The following ARHGEF10L variants were observed in gnomAD, a reference collection of about 807,000 sequenced individuals.
ARHGEF10L encodes rho guanine nucleotide exchange factor 10-like protein.
A neutral mutation model predicts 141.2 loss-of-function variants in ARHGEF10L; 69 were observed. The ratio of observed to expected loss-of-function variants is 0.49; its 90% CI spans 0.40 to 0.60. The LOEUF (loss-of-function observed/expected upper bound fraction) is 0.60, where lower values mean the gene tolerates loss of function less well. ARHGEF10L is among the 20% of genes least tolerant of loss of function. The pLI, the probability that ARHGEF10L is intolerant of heterozygous loss-of-function variation, is 0.00. For missense variants in ARHGEF10L, 1,482 were observed against 1,734.3 expected, an observed-to-expected ratio of 0.85 and a Z score of 2.58; for synonymous variants, 711 against 718.5, an observed-to-expected ratio of 0.99 and a Z score of 0.17.
At chr1:17,578,746 A>G (rs1446805299) in intron 1 of ARHGEF10L, among the ~76,000 whole-genome samples, 1 of 152,198 alleles carries the variant, frequency 6.6e-6, no homozygotes. Flanking sequence ...ACCTCAAAAC[A>G]AAACCAAACC....
At chr1:17,592,830 C>A (rs191474030) in intron 4 of ARHGEF10L, among the ~76,000 whole-genome samples, 2 of 152,108 alleles carry the variant, frequency 1.3e-5, no homozygotes, top group Non-Finnish European at 2.9e-5. Context: ...AGGGTCCATG[C>A]GGGACGTGAG....
At chr1:17,662,925 C>A (rs1357992650) in intron 25 of ARHGEF10L, among the ~76,000 whole-genome samples, 2 of 152,138 alleles carry the variant, frequency 1.3e-5, no homozygotes, top group South Asian at 2.1e-4. Flanking sequence ...AAGCTCACAG[C>A]TAGCTGTGTC....
At chr1:17,676,732 A>G (rs936595311) in intron 26 of ARHGEF10L, among the ~76,000 whole-genome samples, 1 of 151,944 alleles carries the variant, frequency 6.6e-6, no homozygotes, top group Non-Finnish European at 1.5e-5. Flanking sequence ...CTTGGTCGAT[A>G]TCCCCTGGGT....
At chr1:17,580,664 T>C in intron 2 of ARHGEF10L, 32 bp downstream of exon 2, 1 of 1,614,042 alleles carries the variant, frequency 6.2e-7, no homozygotes, top group South Asian at 1.1e-5. Context: ...GTCCCTCTCA[T>C]CCTTTCTTAG....
chr1:17,551,987 G>A (rs2077128708), intron 1 of ARHGEF10L, among the ~76,000 whole-genome samples: 1 of 152,184 alleles, frequency 6.6e-6, no homozygotes, highest in African/African-American at 2.4e-5. Context: ...GTGCTTCTGG[G>A]CAGGAGGAGC....
chr1:17,627,637 A>T lies in ARHGEF10L; in HGVS notation c.1584+134A>T. 1 of 1,111,986 alleles carries T rather than the reference A, an allele frequency of 9.0e-7. No homozygotes were observed. The highest frequency in any genetic ancestry group is 2.6e-5 in the East Asian group (1 of 38,446). 68.9% of individuals were successfully genotyped at this position (1,111,986 alleles called of 1,614,324 possible). ...GAGGGGAGGCCTTGCTCTTCCAAGG[A>T]TGTGACCTTGGGGATTGGATCCTCA... On this transcript the variant is annotated intron_variant, in intron 15 of 28. Transcript: ENST00000361221. This position sits in a 1 kb window ranked among gnomAD's most constrained non-coding sequence, Gnocchi z 4.0.
the ARHGEF10L span, among the ~76,000 whole-genome samples, chr1:17,528,297 A>G: frequency 6.6e-6 from 1 of 151,796 alleles, no homozygotes; most frequent in South Asian, 2.1e-4. Flanking sequence ...ATCACAGCTC[A>G]CTGAACTCCT....
chr1:17,645,114 CA>C (rs2061522618), intron 21 of ARHGEF10L, among the ~76,000 whole-genome samples: 1 of 152,014 alleles, frequency 6.6e-6, no homozygotes, highest in African/African-American at 2.4e-5. Flanking sequence ...GGGGTGTTGG[CA>C]AACAGAGCTG....
chr1:17,669,444 C>T (rs536583410), intron 26 of ARHGEF10L, among the ~76,000 whole-genome samples: 3 of 152,274 alleles, frequency 2.0e-5, no homozygotes, highest in Admixed American at 6.5e-5. Flanking sequence ...GAGATGAATA[C>T]GATTATTCCC....
chr1:17,639,849 T>G lies in ARHGEF10L; in HGVS notation c.2172-353T>G. 7.4e-7 allele frequency: 1 copy of G among 1,358,654 alleles called. No individual in the cohort carries two copies. The allele number at this position is 1,358,654 out of a possible 1,614,324, so 84.2% of individuals were successfully genotyped here. On this transcript the variant is annotated intron_variant, in intron 20 of 28. Transcript: ENST00000361221. This position sits in a 1 kb window ranked among gnomAD's most constrained non-coding sequence, Gnocchi z 4.3. ...CCCTCTAGAGGCACGTGGTCAGACATGTAAGGTGTCTAAGACCTGTGGACA... is the reference window on the plus strand; with the variant it reads ...CCCTCTAGAGGCACGTGGTCAGACAGGTAAGGTGTCTAAGACCTGTGGACA...
At position 17,621,254 on chromosome 1, in the gene ARHGEF10L, A is replaced by G. The variant is rs180887137; in HGVS notation, c.943-610A>G. ...GAATTTTCTTTTCTTTTTTTTTGAG[A>G]TGGAGTCTTGCTCTGTTGCCCAGGC... is the stretch of plus-strand genomic sequence containing the variant. On this transcript the variant is annotated intron_variant, in intron 10 of 28. Transcript: ENST00000361221. This position sits in a 1 kb window ranked among gnomAD's most constrained non-coding sequence, Gnocchi z 4.1. Among the ~76,000 whole-genome samples, 1 of 151,934 alleles carries G rather than the reference A, an allele frequency of 6.6e-6. No homozygotes were observed. Among genetic ancestry groups the G allele is most frequent in the East Asian group, 1.9e-4 (1 of 5,176 alleles).
At chr1:17,532,899 C>G in the ARHGEF10L span, among the ~76,000 whole-genome samples, 7 of 152,158 alleles carry the variant, frequency 4.6e-5, no homozygotes, top group Admixed American at 3.9e-4. Context: ...CCACCACCCC[C>G]TCTTGACCTT....
chr1:17,605,251 G>C (rs1469913343), intron 6 of ARHGEF10L, among the ~76,000 whole-genome samples: 1 of 152,176 alleles, frequency 6.6e-6, no homozygotes, highest in Non-Finnish European at 1.5e-5. Context: ...TTGTGCCTTT[G>C]TGCCTTGGCT....
At position 17,603,987 on chromosome 1, in the gene ARHGEF10L, G is replaced by A. The variant is rs2080942225; in HGVS notation, c.433+396G>A. 1.3e-5 allele frequency among the ~76,000 whole-genome samples: 2 copies of A among 152,162 alleles called. No homozygotes were observed. The highest frequency in any genetic ancestry group is 2.9e-5 in the Non-Finnish European group (2 of 68,022). ...AGCCCTGCGCCCTGCTCTGGGTTGA[G>A]GGCTGAGGTGGGCAGGCAGGCAGGC... On this transcript the variant is annotated intron_variant, in intron 6 of 28. Coordinates refer to ENST00000361221, the MANE Select transcript of ARHGEF10L (RefSeq NM_018125.4). The surrounding 1 kb of genome is among the most constrained non-coding windows in gnomAD (Gnocchi z 4.8).
At chr1:17,522,446 C>G in the ARHGEF10L span, among the ~76,000 whole-genome samples, 3 of 152,036 alleles carry the variant, frequency 2.0e-5, no homozygotes, top group Admixed American at 6.6e-5. Context: ...GGCCACACAG[C>G]TAAGTGATGG....
In ARHGEF10L at chr1:17,640,322, G is replaced by C; in HGVS notation, c.2272+20G>C. 1 of 1,594,436 alleles carries C rather than the reference G, an allele frequency of 6.3e-7. No homozygotes were observed. The highest frequency in any genetic ancestry group is 1.1e-5 in the South Asian group (1 of 89,190). On this transcript the variant is annotated intron_variant, in intron 21 of 28. Transcript: ENST00000361221. ...GACTCCGTGAGTATAGCCCCAGGGA[G>C]AGTGCCTCAGGGGGCAGGGGTGTGG... is the stretch of plus-strand genomic sequence containing the variant.
intron 15 of ARHGEF10L, among the ~76,000 whole-genome samples, chr1:17,629,389 T>C (rs2060556281): frequency 6.6e-6 from 1 of 152,112 alleles, no homozygotes. Flanking sequence ...AGAGATCCTA[T>C]AAAATTCAGA....
chr1:17,590,319 G>T (rs1215321994), intron 4 of ARHGEF10L, among the ~76,000 whole-genome samples: 4 of 152,264 alleles, frequency 2.6e-5, no homozygotes, highest in Admixed American at 1.3e-4. Flanking sequence ...GCTCTTGGGA[G>T]AGTGGCGTCT....
chr1:17,652,097 G>A (rs114829918), intron 22 of ARHGEF10L, among the ~76,000 whole-genome samples: 3,482 of 152,298 alleles, frequency 0.023, 143 homozygotes, highest in African/African-American at 0.08. Context: ...GCCTCATGGC[G>A]AGCAGTGGCC....
Sources: allele counts gnomAD v4.1 joint callset (sites outside exome capture counted in the v4.1 genomes callset), GRCh38; gene constraint gnomAD v4.1.1; non-coding constraint Gnocchi (gnomAD v3.1); transcripts MANE v1.5; gene names NCBI Gene and HGNC (gene_info 2026-07-23, HGNC 2026-07-21).